Variants in BRD10 observed in about 807,000 individuals in gnomAD.
The protein encoded by BRD10 is uncharacterized bromodomain-containing protein 10.
chr9:5,907,869 C>T, the BRD10 span, among the ~76,000 whole-genome samples: 1 of 152,350 alleles, frequency 6.6e-6, no homozygotes, highest in South Asian at 2.1e-4. Flanking sequence ...AGGAGAATCA[C>T]TTGAACCCGG....
At chr9:5,989,235 TAAAAAAAAAA>T in the BRD10 span, among the ~76,000 whole-genome samples, 21 of 46,184 alleles carry the variant, frequency 4.5e-4, no homozygotes, top group East Asian at 2.3e-3. Flanking sequence ...TCTGTCTCAT[TAAAAAAAAAA>T]AAAAAAAAAA....
chr9:5,963,658 T>C, the BRD10 span, among the ~76,000 whole-genome samples: 115 of 152,138 alleles, frequency 7.6e-4, no homozygotes, highest in African/African-American at 2.7e-3. Flanking sequence ...TCAAACTGTA[T>C]ACAAGGCTAC....
the BRD10 span, among the ~76,000 whole-genome samples, chr9:5,937,334 C>A: frequency 6.6e-6 from 1 of 151,524 alleles, no homozygotes; most frequent in African/African-American, 2.4e-5. Context: ...GTCAGGGGTT[C>A]GAGACCAGCC....
chr9:5,891,821 C>T, the BRD10 span, among the ~76,000 whole-genome samples: 1,281 of 152,288 alleles, frequency 8.4e-3, 8 homozygotes, highest in Non-Finnish European at 0.012. Context: ...TGGGCTTCCT[C>T]GGCTTGTTTT....
At chr9:5,892,194 G>A in the BRD10 span, among the ~76,000 whole-genome samples, 1 of 152,174 alleles carries the variant, frequency 6.6e-6, no homozygotes, top group East Asian at 1.9e-4. Context: ...CAACTTGCAA[G>A]TCTTTTTTGC....
the BRD10 span, among the ~76,000 whole-genome samples, chr9:5,961,073 C>T: frequency 4.6e-5 from 7 of 152,224 alleles, no homozygotes; most frequent in South Asian, 1.5e-3. Flanking sequence ...TAAATGTGTT[C>T]ATTTATTTGT....
the BRD10 span, among the ~76,000 whole-genome samples, chr9:5,904,989 G>A: frequency 6.6e-6 from 1 of 150,934 alleles, no homozygotes. Flanking sequence ...TAGCCAGGAT[G>A]GTCTCAATCT....
chr9:5,987,149 C>T, the BRD10 span, among the ~76,000 whole-genome samples: 70 of 152,204 alleles, frequency 4.6e-4, no homozygotes, highest in African/African-American at 1.6e-3. Context: ...CAAATACTCA[C>T]GCTCAATAAA....
the BRD10 span, among the ~76,000 whole-genome samples, chr9:5,903,894 G>A: frequency 9.5e-3 from 1,429 of 151,064 alleles, 20 homozygotes; most frequent in African/African-American, 0.033. Flanking sequence ...GTCTCGCTGT[G>A]TCACCTAGAC....
the BRD10 span, among the ~76,000 whole-genome samples, chr9:5,930,121 GT>G: frequency 1.8e-3 from 265 of 146,296 alleles, 5 homozygotes; most frequent in Admixed American, 0.016. Flanking sequence ...ATCATGTTGG[GT>G]TTTTTTTTTG....
the BRD10 span, among the ~76,000 whole-genome samples, chr9:5,953,158 C>G: frequency 1.3e-5 from 2 of 152,036 alleles, no homozygotes; most frequent in African/African-American, 4.8e-5. Flanking sequence ...TATATATTAT[C>G]AATATTTTCA....
the BRD10 span, among the ~76,000 whole-genome samples, chr9:5,927,865 G>A: frequency 2.0e-5 from 3 of 151,694 alleles, no homozygotes; most frequent in African/African-American, 4.8e-5. Context: ...CATATACTAA[G>A]TGATTTCTAC....
At chr9:5,917,603 G>A in the BRD10 span, among the ~76,000 whole-genome samples, 1 of 152,256 alleles carries the variant, frequency 6.6e-6, no homozygotes, top group Non-Finnish European at 1.5e-5. Flanking sequence ...GGAGGCCAAG[G>A]TGGGCAGATC....
the BRD10 span, among the ~76,000 whole-genome samples, chr9:5,932,997 AAGAC>A: frequency 1.3e-5 from 2 of 152,294 alleles, no homozygotes; most frequent in Admixed American, 6.5e-5. Flanking sequence ...TTCAAACACA[AAGAC>A]AGAATGTGGA....
At chr9:5,976,666 T>G in the BRD10 span, among the ~76,000 whole-genome samples, 1 of 152,038 alleles carries the variant, frequency 6.6e-6, no homozygotes, top group Non-Finnish European at 1.5e-5. Context: ...ATTTTCAAAA[T>G]TAAATGTGAC....
At chr9:5,907,565 T>C in the BRD10 span, among the ~76,000 whole-genome samples, 2 of 152,360 alleles carry the variant, frequency 1.3e-5, no homozygotes, top group Admixed American at 6.5e-5. Context: ...TTGATTCACC[T>C]TGAAATAAAT....
the BRD10 span, among the ~76,000 whole-genome samples, chr9:5,990,246 A>C: frequency 6.6e-6 from 1 of 152,238 alleles, no homozygotes; most frequent in Admixed American, 6.5e-5. Context: ...GAATGGGTGT[A>C]CTTTAATTTA....
the BRD10 span, among the ~76,000 whole-genome samples, chr9:5,933,203 G>A: frequency 6.6e-6 from 1 of 152,142 alleles, no homozygotes; most frequent in Non-Finnish European, 1.5e-5. Flanking sequence ...TTATAAACAA[G>A]TATGTGAACA....
chr9:5,928,103 T>C, the BRD10 span, among the ~76,000 whole-genome samples: 3 of 152,308 alleles, frequency 2.0e-5, no homozygotes, highest in South Asian at 4.1e-4. Flanking sequence ...GGCAATTCCA[T>C]TATTCCAGTT....
Sources: allele counts gnomAD v4.1 joint callset (sites outside exome capture counted in the v4.1 genomes callset), GRCh38; gene constraint gnomAD v4.1.1; transcripts MANE v1.5; gene names NCBI Gene and HGNC (gene_info 2026-07-23, HGNC 2026-07-21).